The following CAST variants were observed in gnomAD, a reference collection of about 807,000 sequenced individuals.
CAST encodes the protein MIR583 host.
A neutral mutation model predicts 119.6 loss-of-function variants in CAST; 76 were observed. The ratio of observed to expected loss-of-function variants is 0.64; its 90% confidence interval spans 0.53 to 0.77. The LOEUF is 0.77. Ranked by LOEUF, CAST falls within the 30% of genes least tolerant of loss-of-function variation. The pLI is 0.00. For missense variants in CAST, 953 were observed against 946.5 expected (o/e 1.01, Z -0.09); for synonymous variants, 319 against 331.6 (o/e 0.96, Z 0.41).
At chr5:96,439,794 G>T in the CAST span, among the ~76,000 whole-genome samples, 1 of 152,134 alleles carries the variant, frequency 6.6e-6, no homozygotes, top group Non-Finnish European at 1.5e-5. Context: ...TGAACACAGG[G>T]ATTAATCTGC....
chr5:96,249,518 A>C, the CAST span, among the ~76,000 whole-genome samples: 2 of 152,256 alleles, frequency 1.3e-5, no homozygotes, highest in Non-Finnish European at 2.9e-5. Flanking sequence ...TAAAGAGGCA[A>C]CAAGTATCTA....
chr5:96,401,014 G>C, the CAST span, among the ~76,000 whole-genome samples: 2 of 149,702 alleles, frequency 1.3e-5, no homozygotes, highest in African/African-American at 5.0e-5. Context: ...GTGAACCTGG[G>C]AGGCGGAGCT....
At chr5:96,265,351 T>C in the CAST span, among the ~76,000 whole-genome samples, 2 of 152,012 alleles carry the variant, frequency 1.3e-5, no homozygotes, top group Non-Finnish European at 2.9e-5. Flanking sequence ...TGTATACATA[T>C]GTAGTAAATT....
In CAST at chr5:96,550,136, T is replaced by A. The variant is rs554265616; in HGVS notation, c.60+20256T>A. Reference sequence around the variant, plus strand: ...GTCCCTGACCCCCGTGTAGCCTGACTGGGAGACACCTCCCAGTAGGGGCCG... The same window carrying A: ...GTCCCTGACCCCCGTGTAGCCTGACAGGGAGACACCTCCCAGTAGGGGCCG... On this transcript the variant is annotated intron_variant, in intron 1 of 11. Transcript: ENST00000505143. Among the ~76,000 whole-genome samples, 213 of 152,336 alleles carry A rather than the reference T, an allele frequency of 1.4e-3. 1 individual carries two copies. Among genetic ancestry groups the A allele is most frequent in the Non-Finnish European group, 2.7e-3 (184 of 68,038 alleles).
the CAST span, among the ~76,000 whole-genome samples, chr5:96,032,220 A>G: frequency 6.6e-6 from 1 of 152,176 alleles, no homozygotes; most frequent in Admixed American, 6.6e-5. Flanking sequence ...ACTAGCTACC[A>G]CAAATGGGAT....
chr5:95,985,777 T>G, the CAST span, among the ~76,000 whole-genome samples: 2 of 152,222 alleles, frequency 1.3e-5, no homozygotes, highest in Admixed American at 1.3e-4. Flanking sequence ...AGTGTTATTT[T>G]TAAACCTTGG....
intron 1 of CAST, among the ~76,000 whole-genome samples, chr5:96,644,059 A>G (rs1320557989): frequency 1.3e-5 from 2 of 152,158 alleles, no homozygotes; most frequent in Non-Finnish European, 2.9e-5. Flanking sequence ...AACAAAAAAA[A>G]AAAAATTGAG....
At chr5:96,252,578 C>A in the CAST span, among the ~76,000 whole-genome samples, 4 of 152,070 alleles carry the variant, frequency 2.6e-5, no homozygotes, top group Non-Finnish European at 4.4e-5. Flanking sequence ...GAAATTGACG[C>A]TCACAGAGTT....
the CAST span, among the ~76,000 whole-genome samples, chr5:96,152,528 T>G: frequency 2.0e-5 from 3 of 152,178 alleles, no homozygotes; most frequent in African/African-American, 7.2e-5. Flanking sequence ...GGGAACTCTG[T>G]CCGGCTGGGA....
At chr5:96,183,374 G>C in the CAST span, among the ~76,000 whole-genome samples, 1 of 151,614 alleles carries the variant, frequency 6.6e-6, no homozygotes, top group Non-Finnish European at 1.5e-5. Context: ...TTATTTAAAA[G>C]TTTAAATAAT....
At chr5:96,249,209 C>T in the CAST span, among the ~76,000 whole-genome samples, 2 of 152,082 alleles carry the variant, frequency 1.3e-5, no homozygotes, top group African/African-American at 4.8e-5. Context: ...TATCTGCCGT[C>T]ATTATTTTTA....
chr5:96,100,488 C>G, the CAST span, among the ~76,000 whole-genome samples: 1 of 152,224 alleles, frequency 6.6e-6, no homozygotes, highest in African/African-American at 2.4e-5. Context: ...TCTGGACTCT[C>G]TACCACTGAC....
intron 1 of CAST, among the ~76,000 whole-genome samples, chr5:96,622,238 T>G (rs970758051): frequency 6.6e-6 from 1 of 151,994 alleles, no homozygotes; most frequent in East Asian, 1.9e-4. Flanking sequence ...AAAGTGCTGG[T>G]ATTACAGGTG....
chr5:96,161,603 G>A, the CAST span, among the ~76,000 whole-genome samples: 1 of 152,094 alleles, frequency 6.6e-6, no homozygotes, highest in Non-Finnish European at 1.5e-5. Flanking sequence ...TGTTTTGGCT[G>A]TTCTTGCATT....
At chr5:96,570,779 T>A (rs547304960) in intron 1 of CAST, among the ~76,000 whole-genome samples, 2 of 152,330 alleles carry the variant, frequency 1.3e-5, no homozygotes, top group East Asian at 3.9e-4. Flanking sequence ...TGAAACATCA[T>A]AAGGTAACCC....
At chr5:96,662,975 A>G (rs890313741) in intron 1 of CAST, 2 of 605,740 alleles carry the variant, frequency 3.3e-6, no homozygotes, top group East Asian at 5.7e-5. Flanking sequence ...GCCGGGCCCC[A>G]CCCCCAGGGT....
the CAST span, among the ~76,000 whole-genome samples, chr5:96,043,707 A>T: frequency 6.6e-6 from 1 of 152,174 alleles, no homozygotes; most frequent in African/African-American, 2.4e-5. Context: ...CAACTTCCCC[A>T]CTGTCCCATT....
At chr5:96,080,044 G>T in the CAST span, among the ~76,000 whole-genome samples, 1 of 152,148 alleles carries the variant, frequency 6.6e-6, no homozygotes, top group Admixed American at 6.5e-5. Context: ...AGAGAAATAT[G>T]ATCTTGTAGT....
At chr5:96,616,696 A>G (rs75923053) in intron 1 of CAST, among the ~76,000 whole-genome samples, 3,261 of 149,762 alleles carry the variant, frequency 0.022, 129 homozygotes, top group African/African-American at 0.068. Context: ...CCAGGGTCCA[A>G]TGTGTGGCCT....
Sources: gnomAD v4.1 joint callset for allele counts (sites outside exome capture counted in the v4.1 genomes callset) on GRCh38, gnomAD v4.1.1 for gene constraint, MANE v1.5 for transcripts, NCBI Gene and HGNC (gene_info 2026-07-23, HGNC 2026-07-21) for gene names.